The following CACNA1E variants were observed in gnomAD, a reference collection of about 807,000 sequenced individuals.
CACNA1E encodes calcium voltage-gated channel subunit alpha1 E.
CACNA1E carries 40 observed loss-of-function variants against 259.2 expected under a neutral mutation model. The ratio of observed to expected loss-of-function variants is 0.15; its 90% CI spans 0.12 to 0.20. The LOEUF (loss-of-function observed/expected upper bound fraction) is 0.20, where lower values mean the gene tolerates loss of function less well. Ranked by LOEUF, CACNA1E falls within the 10% of genes least tolerant of loss-of-function variation. The pLI, the probability that CACNA1E is intolerant of heterozygous loss-of-function variation, is 1.00. For missense variants in CACNA1E, 1,874 were observed against 3,040.1 expected, an observed-to-expected ratio of 0.62 and a Z score of 9.02; for synonymous variants, 1,104 against 1,138.5, an observed-to-expected ratio of 0.97 and a Z score of 0.61.
chr1:181,703,684 A>G (rs559219112), intron 7 of CACNA1E, among the ~76,000 whole-genome samples: 1 of 152,334 alleles, frequency 6.6e-6, no homozygotes, highest in South Asian at 2.1e-4. Flanking sequence ...CTGAAATGTC[A>G]TGAAGCTGTG....
chr1:181,370,611 C>T (rs4604658), intron 1 of CACNA1E, among the ~76,000 whole-genome samples: 44,806 of 151,812 alleles, frequency 0.3, 6,718 homozygotes, highest in African/African-American at 0.35. Context: ...GACATGATTT[C>T]GTGTTTTTTT....
At chr1:181,650,357 T>G (rs1314864170) in intron 6 of CACNA1E, among the ~76,000 whole-genome samples, 1 of 152,200 alleles carries the variant, frequency 6.6e-6, no homozygotes, top group Non-Finnish European at 1.5e-5. Context: ...ATAAAATATC[T>G]GTTGTAAGTT....
intron 1 of CACNA1E, among the ~76,000 whole-genome samples, chr1:181,342,015 A>C (rs1652188583): frequency 1.3e-5 from 2 of 152,202 alleles, no homozygotes; most frequent in Admixed American, 1.3e-4. Context: ...GGGTGTGTGG[A>C]AGAGGGAGAT....
intron 6 of CACNA1E, among the ~76,000 whole-genome samples, chr1:181,620,855 T>C (rs895711840): frequency 6.6e-6 from 1 of 152,114 alleles, no homozygotes; most frequent in African/African-American, 2.4e-5. Flanking sequence ...GTGGGAAGAC[T>C]TAAATAAGTA....
intron 2 of CACNA1E, among the ~76,000 whole-genome samples, chr1:181,468,101 A>C (rs1662264547): frequency 6.6e-6 from 1 of 152,200 alleles, no homozygotes; most frequent in Non-Finnish European, 1.5e-5. Context: ...AGATTAGGTT[A>C]TTACCCATCT....
rs148689360 is a variant in CACNA1E, at chr1:181,410,559, T to C, written c.-14-2574T>C. On this transcript the variant is annotated intron_variant, in intron 1 of 11. Coordinates refer to the CACNA1E transcript ENST00000524607. ...TGAATGCTCCCATCAGGCTTTATCA[T>C]GTATGCGCTAAGATCATCCTCTCAT... 3.7e-3 allele frequency among the ~76,000 whole-genome samples: 557 copies of C among 152,318 alleles called. 2 individuals carry two copies. Among genetic ancestry groups the C allele is most frequent in the African/African-American group, 0.012 (482 of 41,568 alleles).
At chr1:181,781,392 C>G in intron 38 of CACNA1E, 35 bp from the exon 39 acceptor site, 1 of 1,095,736 alleles carries the variant, frequency 9.1e-7, no homozygotes, top group South Asian at 1.3e-5. Flanking sequence ...CCCCGCTAAC[C>G]CACCCCATCC....
intron 25 of CACNA1E, among the ~76,000 whole-genome samples, chr1:181,747,305 A>T (rs894921667): frequency 1.3e-5 from 2 of 152,266 alleles, no homozygotes; most frequent in African/African-American, 4.8e-5. Context: ...ACTTGAGAGC[A>T]TGTCCTTTGA....
chr1:181,591,626 C>T (rs1652652067), intron 6 of CACNA1E, among the ~76,000 whole-genome samples: 1 of 151,948 alleles, frequency 6.6e-6, no homozygotes, highest in Admixed American at 6.6e-5. Flanking sequence ...AAGTTTTATG[C>T]ATGGATGTTC....
In CACNA1E at chr1:181,664,366, G is replaced by C. The variant is rs146088436; in HGVS notation, c.1055+12925G>C. Among the ~76,000 whole-genome samples, 419 of 152,326 alleles carry C rather than the reference G, an allele frequency of 2.8e-3. 12 individuals carry two copies. In the East Asian group the frequency reaches 0.073, roughly 26 times the overall value. ...AATTCAACAGATAGTGCCAAACACT[G>C]TTCTCTAGATGCTGGGGATTCAAAA... is the stretch of plus-strand genomic sequence containing the variant. On this transcript the variant is annotated intron_variant, in intron 7 of 47. Coordinates refer to ENST00000367573, the MANE Select transcript of CACNA1E (RefSeq NM_001205293.3).
intron 1 of CACNA1E, among the ~76,000 whole-genome samples, chr1:181,505,835 A>G (rs912698063): frequency 8.5e-5 from 13 of 152,128 alleles, no homozygotes; most frequent in African/African-American, 3.1e-4. Flanking sequence ...CTCTGGCTCT[A>G]GTTTCCCTGT....
chr1:181,601,813 C>A (rs1653773994), intron 6 of CACNA1E, among the ~76,000 whole-genome samples: 1 of 152,184 alleles, frequency 6.6e-6, no homozygotes, highest in Non-Finnish European at 1.5e-5. Context: ...CTCCTCTTCC[C>A]TTGCTGAGTA....
At chr1:181,609,839 G>C (rs559763767) in intron 6 of CACNA1E, among the ~76,000 whole-genome samples, 27 of 152,278 alleles carry the variant, frequency 1.8e-4, no homozygotes, top group Admixed American at 1.4e-3. Flanking sequence ...CAAGCAGTAC[G>C]CTGGATCTGA....
intron 6 of CACNA1E, among the ~76,000 whole-genome samples, chr1:181,596,452 C>A (rs945583363): frequency 1.3e-5 from 2 of 152,120 alleles, no homozygotes; most frequent in African/African-American, 4.8e-5. Context: ...TAATAGAGGG[C>A]AGGTGTACAA....
chr1:181,583,760 G>A (rs1651783525), intron 6 of CACNA1E, among the ~76,000 whole-genome samples: 1 of 152,000 alleles, frequency 6.6e-6, no homozygotes, highest in Admixed American at 6.6e-5. Flanking sequence ...GCTTCATTTA[G>A]TCTCTATCCA....
At chr1:181,714,501 C>A (rs1311377255) in intron 8 of CACNA1E, among the ~76,000 whole-genome samples, 1 of 152,058 alleles carries the variant, frequency 6.6e-6, no homozygotes, top group Non-Finnish European at 1.5e-5. Flanking sequence ...CGGCCATTGG[C>A]AATTAAACTA....
chr1:181,596,599 C>CGTGTGTGTGTGTGT (rs1653200613), intron 6 of CACNA1E, among the ~76,000 whole-genome samples: 3 of 78,208 alleles, frequency 3.8e-5, no homozygotes, highest in Admixed American at 2.4e-4. Context: ...TGTGTGTGTA[C>CGTGTGTGTGTGTGT]ACACACATAT....
intron 6 of CACNA1E, among the ~76,000 whole-genome samples, chr1:181,642,440 A>G (rs2102010301): frequency 6.6e-6 from 1 of 152,238 alleles, no homozygotes; most frequent in African/African-American, 2.4e-5. Context: ...AAGAGCGGTT[A>G]CCTTGGTATT....
At chr1:181,702,381 A>G (rs1336946088) in intron 7 of CACNA1E, among the ~76,000 whole-genome samples, 2 of 152,090 alleles carry the variant, frequency 1.3e-5, no homozygotes, top group Non-Finnish European at 2.9e-5. Flanking sequence ...ATCTGGATAC[A>G]ACCTGGAAGA....
Sources: allele counts gnomAD v4.1 joint callset (sites outside exome capture counted in the v4.1 genomes callset), GRCh38; gene constraint gnomAD v4.1.1; transcripts MANE v1.5; gene names NCBI Gene and HGNC (gene_info 2026-07-23, HGNC 2026-07-21).